MYO16: variants seen among roughly 807,000 people sequenced by gnomAD.
The protein encoded by MYO16 is myosin XVI.
A neutral mutation model predicts 205.3 loss-of-function variants in MYO16; 94 were observed. The observed-to-expected ratio is 0.46, with a 90% CI of 0.39 to 0.54. The LOEUF (loss-of-function observed/expected upper bound fraction) is 0.54, where lower values mean the gene tolerates loss of function less well. MYO16 is among the 20% of genes least tolerant of loss of function. The pLI, the probability that MYO16 is intolerant of heterozygous loss-of-function variation, is 0.00. For synonymous variants in MYO16, 988 were observed against 954.0 expected (o/e 1.04, Z -0.66); for missense variants, 2,315 against 2,387.5 (o/e 0.97, Z 0.63).
intron 5 of MYO16, among the ~76,000 whole-genome samples, chr13:108,790,842 G>A (rs910824912): frequency 2.0e-4 from 30 of 152,108 alleles, no homozygotes; most frequent in Non-Finnish European, 5.9e-5. Context: ...AATAAAATGA[G>A]TCTGCAGTGA....
rs80168153 is a variant in MYO16 at position 108,666,163 on chromosome 13, A to C, written c.292+14A>C. On this transcript the variant is annotated intron_variant, in intron 2 of 34. Coordinates refer to ENST00000457511, the MANE Select transcript of MYO16 (RefSeq NM_001198950.3). Reference sequence around the variant, plus strand: ...ATGACAAAGAAGGTACATGATAAGAAAGAAGGACCCGTTTTCTGATGTGAT... The same window carrying C: ...ATGACAAAGAAGGTACATGATAAGACAGAAGGACCCGTTTTCTGATGTGAT... The C allele has an allele frequency of 8.1e-3, 12,783 of 1,577,952 alleles. 562 individuals are homozygous for C. The African/African-American group carries it at 0.12, about 15-fold the overall frequency.
chr13:109,107,844 TG>T (rs1431938225), intron 28 of MYO16, among the ~76,000 whole-genome samples: 1 of 148,784 alleles, frequency 6.7e-6, no homozygotes, highest in Non-Finnish European at 1.5e-5. Context: ...TTATATTATA[TG>T]TGTGTGTGTC....
intron 16 of MYO16, among the ~76,000 whole-genome samples, chr13:108,950,531 T>C (rs935497344): frequency 5.9e-5 from 9 of 152,042 alleles, no homozygotes; most frequent in East Asian, 3.9e-4. Flanking sequence ...TGAAAAAACA[T>C]TGTGACAGCA....
chr13:108,754,669 T>C (rs1885364358), intron 4 of MYO16, among the ~76,000 whole-genome samples: 2 of 152,172 alleles, frequency 1.3e-5, no homozygotes, highest in African/African-American at 4.8e-5. Context: ...TCCCAAATCA[T>C]CCTCTTCCTA....
intron 28 of MYO16, among the ~76,000 whole-genome samples, chr13:109,119,048 CTG>C (rs1875859481): frequency 6.8e-6 from 1 of 146,172 alleles, no homozygotes; most frequent in Non-Finnish European, 1.5e-5. Flanking sequence ...TTTGGCAAAA[CTG>C]TGTTTTATTA....
chr13:108,970,244 A>G (rs1883958821), intron 20 of MYO16, among the ~76,000 whole-genome samples: 1 of 152,236 alleles, frequency 6.6e-6, no homozygotes, highest in South Asian at 2.1e-4. Context: ...TAACCATTAT[A>G]TGAAACCATT....
intron 20 of MYO16, among the ~76,000 whole-genome samples, chr13:108,970,418 T>A (rs1883964250): frequency 6.6e-6 from 1 of 152,184 alleles, no homozygotes; most frequent in Admixed American, 6.5e-5. Context: ...CTGGTCACTT[T>A]TAAATAAATC....
chr13:109,140,947 G>C lies in MYO16; in HGVS notation c.4735G>C (p.Gly1579Arg). 2 of 1,528,106 alleles carry C rather than the reference G, an allele frequency of 1.3e-6. No homozygotes were observed. The highest frequency in any genetic ancestry group is 2.8e-5 in the East Asian group (1 of 36,330). 94.7% of individuals were successfully genotyped at this position (1,528,106 alleles called of 1,614,324 possible). A position where few individuals can be genotyped will look rare whatever the true frequency, so the allele number is the denominator to read the frequency against. ...KGDGDRPASPGLALFNGSGRA... is the reference protein window; with the variant it reads ...KGDGDRPASPRLALFNGSGRA... Reference sequence around the variant, plus strand: ...CGACGGCGACAGGCCCGCGTCCCCCGGCCTGGCGCTGTTCAACGGGTCCGG... The same window carrying C: ...CGACGGCGACAGGCCCGCGTCCCCCCGCCTGGCGCTGTTCAACGGGTCCGG... Residue 1579 changes from glycine (G) to arginine (R), a missense_variant, in exon 32 of 35, where the codon GGC (glycine) becomes CGC (arginine). By Grantham distance (125) the Gly-to-Arg change is moderately radical. Around this residue, in one of 3 missense-constraint regions of MYO16, gnomAD observed 1,097 missense variants for 1,092.0 expected, o/e 1.00. Transcript: ENST00000457511. The surrounding 1 kb of genome is among the most constrained non-coding windows in gnomAD (Gnocchi z 8.0).
chr13:108,850,722 T>C (rs1305406792), intron 10 of MYO16, among the ~76,000 whole-genome samples: 2 of 152,204 alleles, frequency 1.3e-5, no homozygotes, highest in Non-Finnish European at 2.9e-5. Flanking sequence ...TCGCTTAAGA[T>C]TGATTATCAA....
At chr13:108,667,196 GA>G (rs1471141829) in intron 2 of MYO16, among the ~76,000 whole-genome samples, 3 of 151,948 alleles carry the variant, frequency 2.0e-5, no homozygotes, top group Admixed American at 1.3e-4. Context: ...CTATAGCTAA[GA>G]AAACCTATAG....
At chr13:109,023,144 T>C (rs1365919133) in intron 23 of MYO16, among the ~76,000 whole-genome samples, 1 of 130,674 alleles carries the variant, frequency 7.7e-6, no homozygotes, top group Non-Finnish European at 1.5e-5. Context: ...TATGTATATG[T>C]TTATGTATTA....
intron 1 of MYO16, among the ~76,000 whole-genome samples, chr13:108,640,168 G>A (rs1440091547): frequency 6.6e-6 from 1 of 152,164 alleles, no homozygotes; most frequent in Non-Finnish European, 1.5e-5. Context: ...AATTTTAGAA[G>A]GGCAGATAAA....
At chr13:108,641,804 T>G (rs10492421) in intron 1 of MYO16, among the ~76,000 whole-genome samples, 5,329 of 152,282 alleles carry the variant, frequency 0.035, 137 homozygotes, top group South Asian at 0.13. Context: ...CATCTCACAG[T>G]GATACCTAAA....
intron 2 of MYO16, among the ~76,000 whole-genome samples, chr13:108,687,714 A>C (rs1882733884): frequency 6.6e-6 from 1 of 152,254 alleles, no homozygotes; most frequent in Non-Finnish European, 1.5e-5. Flanking sequence ...AATACTGATT[A>C]GTTAAATAAT....
At chr13:108,975,537 G>A (rs1285939272) in intron 20 of MYO16, among the ~76,000 whole-genome samples, 2 of 152,070 alleles carry the variant, frequency 1.3e-5, no homozygotes, top group East Asian at 1.9e-4. Context: ...TTCAAGGGAC[G>A]CAGCCATCAG....
intron 6 of MYO16, among the ~76,000 whole-genome samples, chr13:108,800,816 G>T (rs953299416): frequency 2.6e-5 from 4 of 152,066 alleles, no homozygotes; most frequent in Non-Finnish European, 4.4e-5. Flanking sequence ...GATCCAGTGG[G>T]AATATATCAT....
chr13:109,022,668 T>G (rs1566466607), intron 23 of MYO16, among the ~76,000 whole-genome samples: 1 of 95,516 alleles, frequency 1.0e-5, no homozygotes, highest in Admixed American at 1.4e-4. Flanking sequence ...TATTTATATA[T>G]TATATATACA....
intron 2 of MYO16, among the ~76,000 whole-genome samples, chr13:108,669,792 A>C (rs550149490): frequency 6.6e-6 from 1 of 152,322 alleles, no homozygotes; most frequent in South Asian, 2.1e-4. Flanking sequence ...ATAAAGCTGG[A>C]AACCATCATT....
intron 2 of MYO16, among the ~76,000 whole-genome samples, chr13:108,668,303 T>A (rs1881830027): frequency 6.6e-6 from 1 of 152,158 alleles, no homozygotes; most frequent in South Asian, 2.1e-4. Flanking sequence ...GAGATGATGG[T>A]GGCTTGGACC....
Sources: allele counts gnomAD v4.1 joint callset (sites outside exome capture counted in the v4.1 genomes callset), GRCh38; gene constraint gnomAD v4.1.1; regional missense constraint gnomAD v4.1.1; non-coding constraint Gnocchi (gnomAD v3.1); transcripts MANE v1.5; gene names NCBI Gene and HGNC (gene_info 2026-07-23, HGNC 2026-07-21).